SEMA3F: variants seen among roughly 807,000 people sequenced by gnomAD.
The protein encoded by SEMA3F is semaphorin-3F.
In SEMA3F, 30 loss-of-function variants were observed where a neutral mutation model predicts 98.5. The observed-to-expected ratio is 0.30, with a 90% CI of 0.23 to 0.41. The LOEUF is 0.41. SEMA3F is among the 10% of genes least tolerant of loss of function. SEMA3F has a pLI of 1.00. For synonymous variants in SEMA3F, 380 were observed against 444.8 expected, an observed-to-expected ratio of 0.85 and a Z score of 1.83; for missense variants, 866 against 1,119.3, an observed-to-expected ratio of 0.77 and a Z score of 3.23.
rs780205478 is a variant in SEMA3F, at chr3:50,184,793, G to A, written c.1435G>A (p.Glu479Lys). 3.1e-6 allele frequency: 5 copies of A among 1,613,884 alleles called. No homozygotes were observed. Among genetic ancestry groups the A allele is most frequent in the Non-Finnish European group, 4.2e-6 (5 of 1,179,896 alleles). Reference sequence around the variant, plus strand: ...GGTGGATGCAGCCGACGGGCGCTATGAGGTGCTTTTCCTGGGCACAGGTAC... The same window carrying A: ...GGTGGATGCAGCCGACGGGCGCTATAAGGTGCTTTTCCTGGGCACAGGTAC... Reference protein sequence around the residue: ...DQVDAADGRYEVLFLGTDRGT... With the variant: ...DQVDAADGRYKVLFLGTDRGT... Residue 479 changes from glutamate to lysine, a missense_variant, in exon 13 of 19, where the codon GAG (glutamate) becomes AAG (lysine). Glu to Lys is a moderately conservative substitution (Grantham distance 56). Transcript: ENST00000002829.
chr3:50,159,462 C>T (rs1698121438), intron 1 of SEMA3F, 113 bp from the exon 2 acceptor site: 2 of 579,696 alleles, frequency 3.5e-6, no homozygotes, highest in Non-Finnish European at 6.1e-6. Flanking sequence ...CATTCATGGC[C>T]CCAGGCTGGG....
At chr3:50,159,549 A>C in intron 1 of SEMA3F, 26 bp from the exon 2 acceptor site, 1 of 888,732 alleles carries the variant, frequency 1.1e-6, no homozygotes, top group Non-Finnish European at 1.8e-6. Context: ...TGCCTCACAC[A>C]TTCCAATCTT....
intron 12 of SEMA3F, chr3:50,184,341 T>G: frequency 3.6e-6 from 2 of 555,250 alleles, no homozygotes; most frequent in Non-Finnish European, 6.5e-6. Flanking sequence ...GTGGTCCGCT[T>G]GGCCAAATGC....
In SEMA3F at chr3:50,166,482, C is replaced by T. The variant is rs553106246; in HGVS notation, c.112+6748C>T. On this transcript the variant is annotated intron_variant, in intron 2 of 18. Transcript: ENST00000002829. The surrounding 1 kb of genome is among the most constrained non-coding windows in gnomAD (Gnocchi z 4.7). Reference sequence around the variant, plus strand: ...GGGCCTGGGGCCTGTGCGGAGTGCTCACTGCCTGCCCTTGACTGGCTACCT... The same window carrying T: ...GGGCCTGGGGCCTGTGCGGAGTGCTTACTGCCTGCCCTTGACTGGCTACCT... Among the ~76,000 whole-genome samples, 3 of 152,316 alleles carry T rather than the reference C, an allele frequency of 2.0e-5. No homozygotes were observed. The highest frequency in any genetic ancestry group is 4.1e-4 in the South Asian group (2 of 4,834).
In SEMA3F at chr3:50,158,298, G is replaced by A. The variant is rs554177697; in HGVS notation, c.-48-1277G>A. 6.6e-6 allele frequency among the ~76,000 whole-genome samples: 1 copy of A among 152,366 alleles called. No individual in the cohort carries two copies. Among genetic ancestry groups the A allele is most frequent in the Admixed American group, 6.5e-5 (1 of 15,308 alleles). On this transcript the variant is annotated intron_variant, in intron 1 of 18. Coordinates refer to ENST00000002829, the MANE Select transcript of SEMA3F (RefSeq NM_004186.5). The surrounding 1 kb of genome is among the most constrained non-coding windows in gnomAD (Gnocchi z 4.8). Reference sequence around the variant, plus strand: ...CATGAGCGGTGTGCCAGGCCCTCGGGAGAGAACATTCACACAGAGGGTACC... The same window carrying A: ...CATGAGCGGTGTGCCAGGCCCTCGGAAGAGAACATTCACACAGAGGGTACC...
chr3:50,176,897 G>A, intron 7 of SEMA3F, 36 bp downstream of exon 7: 2 of 1,522,078 alleles, frequency 1.3e-6, no homozygotes, highest in South Asian at 2.2e-5. Flanking sequence ...CAGTCTCAAT[G>A]TGTGGCCTCT....
At position 50,184,656 on chromosome 3, in the gene SEMA3F, A is replaced by G; in HGVS notation, c.1298A>G (p.Asn433Ser). The G allele has an allele frequency of 6.2e-7, 1 of 1,614,156 alleles. No individual in the cohort carries two copies. Among genetic ancestry groups the G allele is most frequent in the East Asian group, 2.2e-5 (1 of 44,888 alleles). The change falls in exon 13 of 19, where the codon AAC (asparagine) becomes AGC (serine). Residue 433 changes from asparagine (N) to serine (S), a missense_variant. Asn to Ser is a conservative substitution (Grantham distance 46, BLOSUM62 1). This residue lies in a region of SEMA3F where 374 missense variants were observed against 582.8 expected (regional missense o/e 0.64). Transcript: ENST00000002829. Reference sequence around the variant, plus strand: ...AAGGATTATCCTGATGAGGTGATCAACTTCATGCGCAGCCACCCACTCATG... The same window carrying G: ...AAGGATTATCCTGATGAGGTGATCAGCTTCATGCGCAGCCACCCACTCATG... ...STKDYPDEVINFMRSHPLMYQ... is the reference protein window; with the variant it reads ...STKDYPDEVISFMRSHPLMYQ...
intron 7 of SEMA3F, among the ~76,000 whole-genome samples, chr3:50,179,801 C>A (rs9831967): frequency 3.9e-5 from 6 of 152,042 alleles, no homozygotes; most frequent in African/African-American, 1.4e-4. Flanking sequence ...AACCAGCCTC[C>A]GCTGGTTTCA....
intron 2 of SEMA3F, chr3:50,173,554 A>G (rs1465914007): frequency 2.5e-5 from 13 of 518,320 alleles, no homozygotes; most frequent in Middle Eastern, 5.0e-4. Context: ...AGACAGGAGA[A>G]TCGCTTGAAC....
At chr3:50,159,482 G>C (rs776593028) in intron 1 of SEMA3F, 93 bp from the exon 2 acceptor site, 13 of 591,074 alleles carry the variant, frequency 2.2e-5, no homozygotes, top group Non-Finnish European at 3.9e-5. Flanking sequence ...GGGTGGAAGC[G>C]TGGAGGTACC....
intron 10 of SEMA3F, 46 bp from the exon 11 acceptor site, chr3:50,183,140 G>T (rs1390214914): frequency 1.9e-6 from 3 of 1,601,986 alleles, no homozygotes; most frequent in African/African-American, 1.3e-5. Flanking sequence ...GGGCCCAGGG[G>T]CTCCCGCCCA....
At chr3:50,165,549 A>T (rs1181196838) in intron 2 of SEMA3F, among the ~76,000 whole-genome samples, 1 of 152,216 alleles carries the variant, frequency 6.6e-6, no homozygotes, top group Admixed American at 6.5e-5. Flanking sequence ...TCACTCAGGC[A>T]TCTGCAGGGC....
At chr3:50,160,524 G>T (rs546582690) in intron 2 of SEMA3F, among the ~76,000 whole-genome samples, 31 of 152,356 alleles carry the variant, frequency 2.0e-4, no homozygotes, top group Non-Finnish European at 4.0e-4. Flanking sequence ...CTTCCTCAAG[G>T]GTGTGTGTGG....
chr3:50,175,444 G>T (rs1183695965), intron 6 of SEMA3F, among the ~76,000 whole-genome samples: 2 of 152,388 alleles, frequency 1.3e-5, no homozygotes, highest in African/African-American at 4.8e-5. Flanking sequence ...CCTGGGGACA[G>T]CCATGCCTTA....
chr3:50,185,895 C>T lies in SEMA3F; in HGVS notation c.1594C>T (p.Leu532Phe). Residue 532 changes from leucine (L) to phenylalanine (F), a missense_variant, in exon 16 of 19, where the codon CTC becomes TTC. Physicochemically the swap from Leu to Phe is conservative, Grantham distance 22 (BLOSUM62 0). Coordinates refer to ENST00000002829, the MANE Select transcript of SEMA3F (RefSeq NM_004186.5). The stretch of plus-strand genomic sequence containing the variant: ...GCCCTACCCTTTGCCCCAGCAACAA[C>T]TCTACGTGGCGTCAGCCGTGGGTGT... ...TMTISSKRQQ[L>F]YVASAVGVTH... 1.2e-6 allele frequency: 2 copies of T among 1,611,606 alleles called. No individual in the cohort carries two copies. Among genetic ancestry groups the T allele is most frequent in the Non-Finnish European group, 1.7e-6 (2 of 1,178,284 alleles).
intron 2 of SEMA3F, among the ~76,000 whole-genome samples, chr3:50,164,881 T>C (rs1698346509): frequency 6.6e-6 from 1 of 152,164 alleles, no homozygotes; most frequent in Non-Finnish European, 1.5e-5. Flanking sequence ...ACTGGCCTCG[T>C]TGTGTTGTCA....
chr3:50,176,981 C>T, intron 7 of SEMA3F, 120 bp downstream of exon 7: 1 of 787,834 alleles, frequency 1.3e-6, no homozygotes, highest in East Asian at 2.6e-5. Flanking sequence ...CCTGAACTCC[C>T]CAAAAGGCCC....
intron 5 of SEMA3F, 46 bp from the exon 6 acceptor site, chr3:50,175,050 A>G: frequency 1.0e-6 from 1 of 966,662 alleles, no homozygotes; most frequent in Non-Finnish European, 1.6e-6. Flanking sequence ...CCGCTCCCCC[A>G]GCCCCTGCCA....
intron 5 of SEMA3F, 120 bp downstream of exon 5, chr3:50,174,470 A>G: frequency 1.6e-6 from 2 of 1,249,396 alleles, no homozygotes; most frequent in Non-Finnish European, 2.2e-6. Flanking sequence ...ACCTTGGGTG[A>G]GTGACTTCTT....
Sources: allele counts gnomAD v4.1 joint callset (sites outside exome capture counted in the v4.1 genomes callset), GRCh38; gene constraint gnomAD v4.1.1; regional missense constraint gnomAD v4.1.1; non-coding constraint Gnocchi (gnomAD v3.1); transcripts MANE v1.5; gene names NCBI Gene and HGNC (gene_info 2026-07-23, HGNC 2026-07-21).